The following KCNG4 variants were observed in gnomAD, a reference collection of about 807,000 sequenced individuals.
The protein encoded by KCNG4 is potassium voltage-gated channel modifier subfamily G member 4, also known as voltage-gated potassium channel regulatory subunit KCNG4.
A neutral mutation model predicts 28.2 loss-of-function variants in KCNG4; 30 were observed. The observed-to-expected ratio is 1.06, with a 90% confidence interval of 0.80 to 1.44. The LOEUF is 1.44. Among genes scored for constraint, KCNG4 ranks in the 40% most tolerant of loss-of-function variants. The probability of loss-of-function intolerance (pLI) is 0.00; values close to 1 mark genes in which losing one functional copy is unlikely to be tolerated. For synonymous variants in KCNG4, 375 were observed against 315.5 expected (o/e 1.19, Z -2.00); for missense variants, 879 against 712.3 (o/e 1.23, Z -2.66).
rs766259425 is a variant in KCNG4 at position 84,222,996 on chromosome 16, A to T, written c.781T>A (p.Tyr261Asn). Residue 261 changes from tyrosine (Y) to asparagine (N), a missense_variant, in exon 3 of 3, where the codon TAT becomes AAT. Transcript: ENST00000308251. ...CAGATGGTCTCCACGATGAAAATAT[A>T]GTAGCACTTCCGAGAGCATTCGCCC... ...DQGECSRKCY[Y>N]IFIVETICVA... is the part of the protein sequence containing the mutation. 1 of 1,535,680 alleles carries T rather than the reference A, an allele frequency of 6.5e-7. No individual in the cohort carries two copies. The highest frequency in any genetic ancestry group is 2.3e-5 in the East Asian group (1 of 44,042).
In KCNG4 at chr16:84,226,023, C is replaced by T. The variant is rs1904688422; in HGVS notation, c.757-3003G>A. 6.6e-6 allele frequency among the ~76,000 whole-genome samples: 1 copy of T among 152,174 alleles called. No homozygotes were observed. The highest frequency in any genetic ancestry group is 6.5e-5 in the Admixed American group (1 of 15,278). On this transcript the variant is annotated intron_variant, in intron 2 of 2. Coordinates refer to ENST00000308251, the MANE Select transcript of KCNG4 (RefSeq NM_172347.3). This position sits in a 1 kb window ranked among gnomAD's most constrained non-coding sequence, Gnocchi z 4.1. ...GAAAGAAAAAAGTTTTCCTTTCTCC[C>T]TTTGTGGAAGTTCTGTGCTTAAACC... is the stretch of plus-strand genomic sequence containing the variant.
chr16:84,235,380 T>G (rs1405959418), intron 2 of KCNG4: 2 of 152,140 alleles, frequency 1.3e-5, no homozygotes, highest in Non-Finnish European at 2.9e-5. Context: ...TACTGCAGAG[T>G]CCACACATAA....
intron 2 of KCNG4, among the ~76,000 whole-genome samples, chr16:84,224,289 C>T (rs1597615884): frequency 6.6e-6 from 1 of 152,180 alleles, no homozygotes; most frequent in Non-Finnish European, 1.5e-5. Context: ...GGGCAGGGTC[C>T]TCCCAAGATT....
chr16:84,222,651 G>T lies in KCNG4; in HGVS notation c.1126C>A (p.Leu376Ile). ...AGGGTGATGGCCACGGCCAGGAAGA[G>T]AAGGAGCAGGCCGAACTCACGTGTG... is the stretch of plus-strand genomic sequence containing the variant. ...RCTREFGLLL[L>I]FLAVAITLFS... Residue 376 changes from leucine to isoleucine, a missense_variant, in exon 3 of 3, where the codon CTC becomes ATC. By Grantham distance (5) the Leu-to-Ile change is conservative. Coordinates refer to ENST00000308251, the MANE Select transcript of KCNG4 (RefSeq NM_172347.3). The T allele has an allele frequency of 6.2e-7, 1 of 1,613,348 alleles. No individual in the cohort carries two copies. The highest frequency in any genetic ancestry group is 1.1e-5 in the South Asian group (1 of 91,070).
intron 2 of KCNG4, among the ~76,000 whole-genome samples, chr16:84,230,597 CT>C (rs1284610539): frequency 6.6e-6 from 1 of 152,090 alleles, no homozygotes; most frequent in Non-Finnish European, 1.5e-5. Context: ...AGAAAACTCT[CT>C]CTGTGCCTTC....
rs146607473 is a variant in KCNG4, at chr16:84,222,914, C to T, written c.863G>A (p.Cys288Tyr). The change falls in exon 3 of 3, where the codon TGT becomes TAT. Residue 288 changes from cysteine to tyrosine, a missense_variant. Coordinates refer to ENST00000308251, the MANE Select transcript of KCNG4 (RefSeq NM_172347.3). ...CLRFVQAQDK[C>Y]QFFQGPLNII... ...GTTCAGGGGCCCCTGGAAGAACTGA[C>T]ACTTGTCTTGGGCCTGGACAAACCG... 16 of 1,611,170 alleles carry T rather than the reference C, an allele frequency of 9.9e-6. No homozygotes were observed. In the African/African-American group the frequency reaches 1.1e-4, roughly 11 times the overall value.
rs746941345 is a variant in KCNG4 at position 84,236,964 on chromosome 16, C to G, written c.522G>C (p.Glu174Asp). 10 of 1,613,248 alleles carry G rather than the reference C, an allele frequency of 6.2e-6. No homozygotes were observed. Among genetic ancestry groups the G allele is most frequent in the Non-Finnish European group, 8.5e-6 (10 of 1,179,680 alleles). Residue 174 changes from glutamate (E) to aspartate (D), a missense_variant, in exon 2 of 3, where the codon GAG (glutamate) becomes GAC (aspartate). Transcript: ENST00000308251. ...CGTCCTCCCTGTGCAGCTTGGCCAG[C>G]TCCTCCAGCTCCTCCAGCTTCCTCA... ...KLLRKLEELEELAKLHREDVL... is the reference protein window; with the variant it reads ...KLLRKLEELEDLAKLHREDVL...
intron 2 of KCNG4, among the ~76,000 whole-genome samples, chr16:84,231,894 C>T (rs1243673550): frequency 6.0e-5 from 9 of 150,810 alleles, no homozygotes; most frequent in Non-Finnish European, 1.0e-4. Flanking sequence ...ATCCCAGCTA[C>T]GTGGGAGGCT....
At chr16:84,232,932 C>G (rs1458740301) in intron 2 of KCNG4, among the ~76,000 whole-genome samples, 1 of 150,234 alleles carries the variant, frequency 6.7e-6, no homozygotes, top group Non-Finnish European at 1.5e-5. Flanking sequence ...CAGGGCTGCT[C>G]AGAATCTAAG....
rs1364453265 is a variant in KCNG4, at chr16:84,220,232, T to C, written c.*1985A>G. 1 of 151,920 alleles carries C rather than the reference T, an allele frequency of 6.6e-6. No homozygotes were observed. The highest frequency in any genetic ancestry group is 1.5e-5 in the Non-Finnish European group (1 of 67,994). 9.4% of individuals were successfully genotyped at this position (151,920 alleles called of 1,614,324 possible). On this transcript the variant is annotated 3_prime_UTR_variant, in exon 3 of 3. Coordinates refer to ENST00000308251, the MANE Select transcript of KCNG4 (RefSeq NM_172347.3). ...CATCCAGGCTGGGGATTTTATAGGGTGAAGGGGCTTTCCTTGTGTCATGGC... is the reference window on the plus strand; with the variant it reads ...CATCCAGGCTGGGGATTTTATAGGGCGAAGGGGCTTTCCTTGTGTCATGGC...
intron 2 of KCNG4, among the ~76,000 whole-genome samples, chr16:84,234,914 T>G (rs562997612): frequency 6.6e-6 from 1 of 152,176 alleles, no homozygotes; most frequent in Non-Finnish European, 1.5e-5. Flanking sequence ...AATTATTATC[T>G]AAACGGAAAC....
chr16:84,236,325 T>C (rs911309752), intron 2 of KCNG4: 3 of 280,566 alleles, frequency 1.1e-5, no homozygotes, highest in African/African-American at 2.2e-5. Flanking sequence ...TTGAGTTCAC[T>C]GGGTGAGTAA....
chr16:84,222,406 G>A lies in KCNG4; in HGVS notation c.1371C>T (p.Phe457=). The change falls in exon 3 of 3, where the codon TTC becomes TTT. Residue 457 remains phenylalanine (F), a synonymous_variant. Transcript: ENST00000308251. The stretch of plus-strand genomic sequence containing the variant: ...TCTTGAGCTCCAGGTAGGAGTGGGA[G>A]AAGGTGTGGAAGATAGACGTGGCCG... ...AFPATSIFHT[F]SHSYLELKKE... is the part of the protein sequence containing the mutation. The A allele has an allele frequency of 1.9e-6, 3 of 1,614,214 alleles. No individual in the cohort carries two copies. The highest frequency in any genetic ancestry group is 2.5e-6 in the Non-Finnish European group (3 of 1,180,030).
intron 2 of KCNG4, among the ~76,000 whole-genome samples, chr16:84,234,596 A>G (rs898896565): frequency 3.9e-5 from 6 of 152,174 alleles, no homozygotes; most frequent in African/African-American, 1.4e-4. Context: ...ATGTCCATCC[A>G]TTGTTTCTGT....
intron 1 of KCNG4, 133 bp downstream of exon 1, chr16:84,239,537 C>T (rs1905051357): frequency 6.6e-6 from 1 of 152,236 alleles, no homozygotes; most frequent in African/African-American, 2.4e-5. Flanking sequence ...TGGCAAACAG[C>T]TCCTTCTGGA....
rs1904576252 is a variant in KCNG4 at position 84,222,132 on chromosome 16, C to T, written c.*85G>A. The T allele has an allele frequency of 1.5e-6, 2 of 1,364,944 alleles. No individual in the cohort carries two copies. Among genetic ancestry groups the T allele is most frequent in the Admixed American group, 3.6e-5 (2 of 55,346 alleles). The allele number at this position is 1,364,944 out of a possible 1,614,324, so 84.6% of individuals were successfully genotyped here. A position where few individuals can be genotyped will look rare whatever the true frequency, so the allele number is the denominator to read the frequency against. ...CTTCCCTGGGCTCTAGAAACACCAC[C>T]AGGTGGTCTATGCGGGGTACCCTTG... On this transcript the variant is annotated 3_prime_UTR_variant, in exon 3 of 3. Transcript: ENST00000308251.
At chr16:84,236,445 GTGTC>G in intron 2 of KCNG4, 1 of 481,554 alleles carries the variant, frequency 2.1e-6, no homozygotes, top group South Asian at 4.1e-5. Flanking sequence ...AGGTGACACT[GTGTC>G]TGTGTGGCCC....
chr16:84,232,117 T>C (rs1904841550), intron 2 of KCNG4, among the ~76,000 whole-genome samples: 1 of 152,186 alleles, frequency 6.6e-6, no homozygotes, highest in Non-Finnish European at 1.5e-5. Flanking sequence ...AAATCCATCT[T>C]GTTCCTTGGA....
chr16:84,228,157 G>A (rs78710083), intron 2 of KCNG4, among the ~76,000 whole-genome samples: 4,161 of 152,266 alleles, frequency 0.027, 192 homozygotes, highest in African/African-American at 0.095. Context: ...TGCCCTGGGG[G>A]CCCTGCAGAT....
Sources: gnomAD v4.1 joint callset for allele counts (sites outside exome capture counted in the v4.1 genomes callset) on GRCh38, gnomAD v4.1.1 for gene constraint, Gnocchi (gnomAD v3.1) non-coding constraint, MANE v1.5 for transcripts, NCBI Gene and HGNC (gene_info 2026-07-23, HGNC 2026-07-21) for gene names.